CHODL: variants seen among roughly 807,000 people sequenced by gnomAD.
The protein encoded by CHODL is chondrolectin.
In CHODL, 29 loss-of-function variants were observed where a neutral mutation model predicts 34.5. The observed-to-expected ratio is 0.84, with a 90% CI of 0.63 to 1.15. CHODL has a LOEUF of 1.15. Among genes scored for constraint, CHODL ranks in the 50% most tolerant of loss-of-function variants. CHODL has a pLI of 0.00. For missense variants in CHODL, 332 were observed against 332.5 expected, an observed-to-expected ratio of 1.00 and a Z score of 0.01; for synonymous variants, 125 against 116.1, an observed-to-expected ratio of 1.08 and a Z score of -0.49.
chr21:18,079,850 C>T (rs968620305), intron 2 of CHODL, among the ~76,000 whole-genome samples: 6 of 74,476 alleles, frequency 8.1e-5, no homozygotes, highest in Non-Finnish European at 3.0e-4. Context: ...TAATCCTACA[C>T]AGTAGTGGGA....
chr21:18,222,601 AC>A (rs1261852741), intron 2 of CHODL, among the ~76,000 whole-genome samples: 2 of 151,842 alleles, frequency 1.3e-5, no homozygotes, highest in African/African-American at 4.8e-5. Flanking sequence ...CCTCTTACTG[AC>A]CTAATTCCTG....
chr21:18,080,694 C>T (rs1205778957), intron 2 of CHODL, among the ~76,000 whole-genome samples: 1 of 152,080 alleles, frequency 6.6e-6, no homozygotes, highest in Non-Finnish European at 1.5e-5. Context: ...ATCTATGTGA[C>T]TATTTTTATT....
intron 1 of CHODL, among the ~76,000 whole-genome samples, chr21:17,984,468 C>A (rs158007): frequency 0.34 from 51,089 of 151,848 alleles, 9,108 homozygotes; most frequent in East Asian, 0.62. Flanking sequence ...TAGCTGTTGC[C>A]TCATTCTCTT....
At chr21:18,085,488 G>C (rs1453544567) in intron 2 of CHODL, among the ~76,000 whole-genome samples, 1 of 152,060 alleles carries the variant, frequency 6.6e-6, no homozygotes, top group Admixed American at 6.6e-5. Flanking sequence ...TTTTATGATG[G>C]TGAATAGCAA....
intron 2 of CHODL, among the ~76,000 whole-genome samples, chr21:18,049,986 T>C (rs887956015): frequency 1.3e-5 from 2 of 151,964 alleles, no homozygotes; most frequent in Non-Finnish European, 2.9e-5. Flanking sequence ...GGTTTCTGCT[T>C]TCCTGGAGCT....
chr21:17,918,634 C>A (rs1344746731), intron 1 of CHODL, among the ~76,000 whole-genome samples: 1 of 152,136 alleles, frequency 6.6e-6, no homozygotes, highest in Non-Finnish European at 1.5e-5. Context: ...GGTGGGGACA[C>A]AGACAAAGCA....
intron 1 of CHODL, among the ~76,000 whole-genome samples, chr21:18,010,008 C>A (rs1279471165): frequency 1.4e-5 from 2 of 146,442 alleles, no homozygotes; most frequent in African/African-American, 5.0e-5. Context: ...CTGCCATGTT[C>A]AAATTTTCAT....
intron 2 of CHODL, among the ~76,000 whole-genome samples, chr21:18,159,057 A>G (rs58019805): frequency 0.014 from 2,120 of 152,182 alleles, 46 homozygotes; most frequent in African/African-American, 0.047. Context: ...AATACATTTT[A>G]GTTTGGAGCA....
intron 1 of CHODL, among the ~76,000 whole-genome samples, chr21:17,987,778 ACAT>A (rs1568832000): frequency 6.6e-6 from 1 of 152,202 alleles, no homozygotes; most frequent in South Asian, 2.1e-4. Flanking sequence ...ATAGAATATA[ACAT>A]CATTATATTT....
chr21:18,177,757 A>C (rs1215476104), intron 2 of CHODL, among the ~76,000 whole-genome samples: 1 of 152,144 alleles, frequency 6.6e-6, no homozygotes, highest in African/African-American at 2.4e-5. Context: ...ACTTGACAAC[A>C]TTAATGAATT....
chr21:17,939,337 T>C (rs998472062), intron 1 of CHODL, among the ~76,000 whole-genome samples: 22 of 152,214 alleles, frequency 1.4e-4, no homozygotes, highest in Non-Finnish European at 1.9e-4. Context: ...AGTATTTGTC[T>C]TTCTGTGGTT....
intron 2 of CHODL, among the ~76,000 whole-genome samples, chr21:18,230,945 TC>T (rs1336092742): frequency 6.6e-6 from 1 of 152,120 alleles, no homozygotes; most frequent in Non-Finnish European, 1.5e-5. Context: ...TTTCTTTCAT[TC>T]GTACTTAGAT....
chr21:18,058,464 A>T (rs1009096323), intron 2 of CHODL, among the ~76,000 whole-genome samples: 1 of 139,840 alleles, frequency 7.2e-6, no homozygotes, highest in Non-Finnish European at 1.6e-5. Context: ...TCATCAGCAG[A>T]TGAATGGATA....
At chr21:18,150,530 G>A (rs1349865524) in intron 2 of CHODL, among the ~76,000 whole-genome samples, 1 of 152,054 alleles carries the variant, frequency 6.6e-6, no homozygotes, top group African/African-American at 2.4e-5. Flanking sequence ...GGCCTTTTCC[G>A]GGTTGCAGAT....
At chr21:17,962,890 T>C (rs1450769582) in intron 1 of CHODL, among the ~76,000 whole-genome samples, 2 of 151,748 alleles carry the variant, frequency 1.3e-5, no homozygotes, top group Non-Finnish European at 2.9e-5. Flanking sequence ...GGTGAAAACC[T>C]GTCTCTACTA....
intron 2 of CHODL, among the ~76,000 whole-genome samples, chr21:18,039,500 A>G (rs1466552037): frequency 2.0e-5 from 3 of 151,690 alleles, no homozygotes; most frequent in Admixed American, 6.6e-5. Flanking sequence ...TCTTCAATGG[A>G]TCTTAGAATA....
intron 2 of CHODL, among the ~76,000 whole-genome samples, chr21:18,210,070 A>G (rs144872513): frequency 6.6e-6 from 1 of 152,294 alleles, no homozygotes; most frequent in Non-Finnish European, 1.5e-5. Flanking sequence ...GCCAGGAATT[A>G]CAGTCCTTGT....
chr21:18,034,632 A>G (rs1324626328), intron 2 of CHODL: 1 of 151,984 alleles, frequency 6.6e-6, no homozygotes, highest in African/African-American at 2.4e-5. Context: ...TCTTTCTTCT[A>G]TTGGGTAAAT....
chr21:18,198,826 G>A (rs1475568110), intron 2 of CHODL, among the ~76,000 whole-genome samples: 1 of 152,092 alleles, frequency 6.6e-6, no homozygotes, highest in Non-Finnish European at 1.5e-5. Flanking sequence ...CATGTTGTAT[G>A]ACCACCCAAA....
Sources: allele counts gnomAD v4.1 joint callset (sites outside exome capture counted in the v4.1 genomes callset), GRCh38; gene constraint gnomAD v4.1.1; transcripts MANE v1.5; gene names NCBI Gene and HGNC (gene_info 2026-07-23, HGNC 2026-07-21).